The following TRIO variants were observed in gnomAD, a reference collection of about 807,000 sequenced individuals.
TRIO encodes the protein trio Rho guanine nucleotide exchange factor.
A neutral mutation model predicts 351.9 loss-of-function variants in TRIO; 58 were observed. The ratio of observed to expected loss-of-function variants is 0.16; its 90% CI spans 0.13 to 0.21. TRIO has a LOEUF of 0.21. TRIO is among the 10% of genes least tolerant of loss of function. The pLI, the probability that TRIO is intolerant of heterozygous loss-of-function variation, is 1.00. For missense variants in TRIO, 3,201 were observed against 4,027.8 expected (o/e 0.79, Z 5.56); for synonymous variants, 1,758 against 1,595.7 (o/e 1.10, Z -2.42).
At chr5:14,271,063 C>T (rs894941565) in intron 2 of TRIO, among the ~76,000 whole-genome samples, 164 bp downstream of exon 2, 2 of 152,106 alleles carry the variant, frequency 1.3e-5, no homozygotes, top group African/African-American at 4.8e-5. Context: ...AATTAGTGCC[C>T]AAAGCATTTT....
At chr5:14,151,340 A>G (rs1787813944) in intron 1 of TRIO, among the ~76,000 whole-genome samples, 1 of 151,820 alleles carries the variant, frequency 6.6e-6, no homozygotes, top group Admixed American at 6.6e-5. Flanking sequence ...ATATTTTTAA[A>G]TGGGGTTTGT....
chr5:14,363,805 C>T lies in TRIO; in HGVS notation c.2465C>T (p.Thr822Met), dbSNP rs772357380. Residue 822 changes from threonine to methionine, a missense_variant, in exon 14 of 57, where the codon ACG becomes ATG. Thr to Met is a moderately conservative substitution (Grantham distance 81). This residue lies in a region of TRIO where 363 missense variants were observed against 553.5 expected (regional missense o/e 0.66). Coordinates refer to ENST00000344204, the MANE Select transcript of TRIO (RefSeq NM_007118.4). ...QMNDFDTEDL[T>M]IAEQRLQHHA... is the part of the protein sequence containing the mutation. Reference sequence around the variant, plus strand: ...AATGACTTCGACACAGAAGATCTCACGATTGCAGAGCAGCGCCTCCAGCAC... The same window carrying T: ...AATGACTTCGACACAGAAGATCTCATGATTGCAGAGCAGCGCCTCCAGCAC... The T allele has an allele frequency of 1.2e-6, 2 of 1,614,062 alleles. No homozygotes were observed. Among genetic ancestry groups the T allele is most frequent in the African/African-American group, 1.3e-5 (1 of 74,908 alleles).
At chr5:14,165,433 A>G (rs1407761455) in intron 1 of TRIO, among the ~76,000 whole-genome samples, 2 of 152,198 alleles carry the variant, frequency 1.3e-5, no homozygotes, top group East Asian at 3.8e-4. Context: ...TGCAAAAGAC[A>G]TGATTTCATT....
intron 34 of TRIO, 122 bp downstream of exon 34, chr5:14,420,143 C>T (rs975188531): frequency 7.0e-7 from 1 of 1,437,754 alleles, no homozygotes; most frequent in Non-Finnish European, 9.4e-7. Flanking sequence ...GCCTTCAGCA[C>T]ATGGTCACTG....
intron 48 of TRIO, among the ~76,000 whole-genome samples, chr5:14,489,775 C>T (rs1343693648): frequency 3.9e-5 from 6 of 152,208 alleles, no homozygotes; most frequent in African/African-American, 1.2e-4. Flanking sequence ...TCTCTGAGGC[C>T]AAGGCGCAAT....
At chr5:14,242,771 G>A (rs1027215139) in intron 1 of TRIO, among the ~76,000 whole-genome samples, 1 of 152,194 alleles carries the variant, frequency 6.6e-6, no homozygotes, top group Non-Finnish European at 1.5e-5. Flanking sequence ...CAGAGATGAG[G>A]TCTCACTGTG....
At chr5:14,339,547 G>C (rs1741742989) in intron 11 of TRIO, among the ~76,000 whole-genome samples, 1 of 152,190 alleles carries the variant, frequency 6.6e-6, no homozygotes. Context: ...CATCTTAGTA[G>C]CAGAGAAACT....
chr5:14,472,589 C>T lies in TRIO; in HGVS notation c.5913-3C>T, dbSNP rs1754769999. On this transcript the variant is annotated splice_region_variant and splice_polypyrimidine_tract_variant and intron_variant, in intron 38 of 56. Transcript: ENST00000344204. ...CATGATAAACAATATTTTTTCTCTCCAGCTACGTTTTGCAAGAACTAGTGG... is the reference window on the plus strand; with the variant it reads ...CATGATAAACAATATTTTTTCTCTCTAGCTACGTTTTGCAAGAACTAGTGG... 1.2e-6 allele frequency: 2 copies of T among 1,613,856 alleles called. No individual in the cohort carries two copies. The highest frequency in any genetic ancestry group is 1.7e-6 in the Non-Finnish European group (2 of 1,179,838).
chr5:14,467,518 T>C (rs990078381), intron 37 of TRIO, among the ~76,000 whole-genome samples: 3 of 152,168 alleles, frequency 2.0e-5, no homozygotes, highest in African/African-American at 7.2e-5. Context: ...CTCCACTGGT[T>C]AAGATTTTGG....
intron 1 of TRIO, among the ~76,000 whole-genome samples, chr5:14,159,752 A>T (rs953647286): frequency 2.0e-5 from 3 of 152,012 alleles, no homozygotes; most frequent in African/African-American, 7.2e-5. Flanking sequence ...TTTTTAGTAG[A>T]GACAGGGTTT....
chr5:14,403,160 T>TAGGTTGTGGTGAGGGTGC (rs1331069547), intron 31 of TRIO, among the ~76,000 whole-genome samples: 2 of 99,870 alleles, frequency 2.0e-5, no homozygotes, highest in Non-Finnish European at 3.9e-5. Context: ...GTGAGGGTTG[T>TAGGTTGTGGTGAGGGTGC]AGGTTGTGGT....
intron 48 of TRIO, among the ~76,000 whole-genome samples, chr5:14,490,142 G>A (rs1756375335): frequency 6.9e-6 from 1 of 144,268 alleles, no homozygotes; most frequent in African/African-American, 2.7e-5. Context: ...AATTAGGTGA[G>A]CTGGCACGCA....
chr5:14,178,883 C>T (rs753373090), intron 1 of TRIO, among the ~76,000 whole-genome samples: 1 of 152,190 alleles, frequency 6.6e-6, no homozygotes, highest in Non-Finnish European at 1.5e-5. Flanking sequence ...TTTGAAGAAG[C>T]CTCCTCCCCA....
chr5:14,252,050 T>C (rs1794776985), intron 1 of TRIO, among the ~76,000 whole-genome samples: 1 of 151,892 alleles, frequency 6.6e-6, no homozygotes, highest in Admixed American at 6.6e-5. Context: ...AAACAATCAG[T>C]TTGGCTTTGT....
intron 31 of TRIO, among the ~76,000 whole-genome samples, chr5:14,401,453 G>A (rs908415583): frequency 1.3e-5 from 2 of 152,184 alleles, no homozygotes; most frequent in Non-Finnish European, 2.9e-5. Context: ...CACCTGGTGC[G>A]TGTTTGAGGA....
In TRIO at chr5:14,330,344, ACT is replaced by A. The variant is rs1740794081; in HGVS notation, c.1732-431_1732-430del. Reference sequence around the variant, plus strand: ...CTAAAGAAGAGATGGAAAAAAAATGACTCTGTAGTTAAACTTGAATTGCCTTA... The same window carrying A: ...CTAAAGAAGAGATGGAAAAAAAATGACTGTAGTTAAACTTGAATTGCCTTA... On this transcript the variant is annotated intron_variant, in intron 9 of 56. Coordinates refer to ENST00000344204, the MANE Select transcript of TRIO (RefSeq NM_007118.4). Among the ~76,000 whole-genome samples, 2 of 152,146 alleles carry A rather than the reference ACT, an allele frequency of 1.3e-5. 1 individual carries two copies. Among genetic ancestry groups the A allele is most frequent in the South Asian group, 4.1e-4 (2 of 4,820 alleles).
chr5:14,506,866 G>A (rs969208284), intron 55 of TRIO, among the ~76,000 whole-genome samples: 9 of 152,198 alleles, frequency 5.9e-5, no homozygotes, highest in African/African-American at 2.4e-5. Context: ...CAACAGGCGG[G>A]TTTGGACCCT....
At chr5:14,279,769 G>A (rs760019233) in intron 2 of TRIO, among the ~76,000 whole-genome samples, 5 of 152,228 alleles carry the variant, frequency 3.3e-5, no homozygotes, top group Non-Finnish European at 7.3e-5. Flanking sequence ...ACATGCATGT[G>A]TGTGGTTCTG....
In TRIO at chr5:14,312,854, T is replaced by C. The variant is rs77390156; in HGVS notation, c.1501-3659T>C. On this transcript the variant is annotated intron_variant, in intron 8 of 56. Coordinates refer to ENST00000344204, the MANE Select transcript of TRIO (RefSeq NM_007118.4). Reference sequence around the variant, plus strand: ...CTGGTTATTCTGTACCATTTAAAAATTATTATCTCTATACAACAGAACAGC... The same window carrying C: ...CTGGTTATTCTGTACCATTTAAAAACTATTATCTCTATACAACAGAACAGC... Among the ~76,000 whole-genome samples the C allele has an allele frequency of 1.2e-3, 184 of 152,330 alleles. 3 individuals carry two copies. The East Asian group carries it at 0.025, about 21-fold the overall frequency.
Sources: gnomAD v4.1 joint callset for allele counts (sites outside exome capture counted in the v4.1 genomes callset) on GRCh38, gnomAD v4.1.1 for gene constraint, gnomAD v4.1.1 regional missense constraint, MANE v1.5 for transcripts, NCBI Gene and HGNC (gene_info 2026-07-23, HGNC 2026-07-21) for gene names.